ASIC2: variants seen among roughly 807,000 people sequenced by gnomAD.
ASIC2 encodes acid sensing ion channel subunit 2.
ASIC2 carries 25 observed loss-of-function variants against 57.3 expected under a neutral mutation model. The observed-to-expected ratio is 0.44, with a 90% CI of 0.32 to 0.61. The LOEUF (loss-of-function observed/expected upper bound fraction) is 0.61, where lower values mean the gene tolerates loss of function less well. Ranked by LOEUF, ASIC2 falls within the 20% of genes least tolerant of loss-of-function variation. The pLI is 0.06. For missense variants in ASIC2, 641 were observed against 738.1 expected (o/e 0.87, Z 1.52); for synonymous variants, 319 against 307.5 (o/e 1.04, Z -0.39).
At chr17:33,656,586 T>C (rs1300176192) in intron 1 of ASIC2, among the ~76,000 whole-genome samples, 1 of 152,208 alleles carries the variant, frequency 6.6e-6, no homozygotes, top group East Asian at 1.9e-4. Context: ...TTCCATATGC[T>C]GCTCTCTCCA....
chr17:34,084,889 G>C (rs1218608879), intron 1 of ASIC2, among the ~76,000 whole-genome samples: 1 of 152,192 alleles, frequency 6.6e-6, no homozygotes, highest in African/African-American at 2.4e-5. Context: ...CATTGATTTT[G>C]TATCCTGAGA....
intron 3 of ASIC2, among the ~76,000 whole-genome samples, chr17:33,065,835 A>G (rs1236193693): frequency 6.6e-6 from 1 of 152,224 alleles, no homozygotes; most frequent in Non-Finnish European, 1.5e-5. Context: ...TAAAGTTTTT[A>G]TTCATTTATC....
At chr17:34,014,812 G>T (rs376172608) in intron 1 of ASIC2, among the ~76,000 whole-genome samples, 45 of 152,258 alleles carry the variant, frequency 3.0e-4, no homozygotes, top group Middle Eastern at 6.8e-3. Flanking sequence ...TGCTTGGCAT[G>T]TGTTAGGTAC....
At chr17:33,080,633 C>G (rs2092109505) in intron 3 of ASIC2, among the ~76,000 whole-genome samples, 1 of 151,898 alleles carries the variant, frequency 6.6e-6, no homozygotes, top group Admixed American at 6.6e-5. Context: ...TAACTAATAA[C>G]AAAACAGAAC....
chr17:34,074,434 T>C (rs950079167), intron 1 of ASIC2, among the ~76,000 whole-genome samples: 1 of 152,194 alleles, frequency 6.6e-6, no homozygotes, highest in Non-Finnish European at 1.5e-5. Context: ...CCCCACATTA[T>C]TGACCATTCT....
chr17:33,946,391 C>T (rs1428563210), intron 1 of ASIC2, among the ~76,000 whole-genome samples: 1 of 152,034 alleles, frequency 6.6e-6, no homozygotes, highest in East Asian at 1.9e-4. Flanking sequence ...TCTTTGAATG[C>T]TAAAAAAAGG....
chr17:33,799,376 TCC>T (rs1912021369), intron 1 of ASIC2, among the ~76,000 whole-genome samples: 1 of 97,564 alleles, frequency 1.0e-5, no homozygotes, highest in African/African-American at 4.2e-5. Flanking sequence ...CTTTCTTTCT[TCC>T]TTTCTTTCTT....
At chr17:33,937,490 A>G (rs1916093330) in intron 1 of ASIC2, among the ~76,000 whole-genome samples, 1 of 152,084 alleles carries the variant, frequency 6.6e-6, no homozygotes, top group Admixed American at 6.6e-5. Context: ...AGCATATTGG[A>G]GAAAAGAAGA....
At chr17:34,143,191 T>C (rs1293583396) in intron 1 of ASIC2, among the ~76,000 whole-genome samples, 1 of 152,208 alleles carries the variant, frequency 6.6e-6, no homozygotes, top group Non-Finnish European at 1.5e-5. Context: ...CTAAAGGGAA[T>C]CAGAAAGCAT....
intron 1 of ASIC2, among the ~76,000 whole-genome samples, chr17:34,024,661 G>A (rs1282365561): frequency 3.3e-5 from 5 of 152,184 alleles, no homozygotes; most frequent in Admixed American, 1.3e-4. Context: ...AGGCTGGACC[G>A]GCAGTGACCC....
chr17:33,702,062 G>T (rs1028639335), intron 1 of ASIC2, among the ~76,000 whole-genome samples: 1 of 152,192 alleles, frequency 6.6e-6, no homozygotes, highest in East Asian at 1.9e-4. Flanking sequence ...CTGGAAGGTG[G>T]TAACTTCTTC....
At chr17:33,930,901 ATTTGTTTGTTTG>A (rs141993092) in intron 1 of ASIC2, among the ~76,000 whole-genome samples, 3 of 151,842 alleles carry the variant, frequency 2.0e-5, no homozygotes, top group African/African-American at 4.8e-5. Context: ...AGATTTATTT[ATTTGTTTGTTTG>A]TTTGTTTGTT....
At chr17:33,674,803 C>T (rs1370307498) in intron 1 of ASIC2, among the ~76,000 whole-genome samples, 2 of 152,110 alleles carry the variant, frequency 1.3e-5, no homozygotes, top group Non-Finnish European at 2.9e-5. Flanking sequence ...CTCTGCCGGC[C>T]GAATGTAGTG....
chr17:33,787,039 T>C (rs1421621931), intron 1 of ASIC2, among the ~76,000 whole-genome samples: 4 of 152,226 alleles, frequency 2.6e-5, no homozygotes, highest in Admixed American at 1.3e-4. Context: ...GATACTCTTC[T>C]CATTGCATAC....
chr17:33,879,819 A>T (rs1478981521), intron 1 of ASIC2, among the ~76,000 whole-genome samples: 1 of 152,224 alleles, frequency 6.6e-6, no homozygotes, highest in Non-Finnish European at 1.5e-5. Context: ...TCAGCACCAC[A>T]CCACACCTAT....
At chr17:34,099,590 GAA>G (rs923096952) in intron 1 of ASIC2, among the ~76,000 whole-genome samples, 60 of 135,986 alleles carry the variant, frequency 4.4e-4, no homozygotes, top group African/African-American at 1.5e-3. Flanking sequence ...AGGAAGGAAA[GAA>G]AGAGAAAAAA....
chr17:33,817,964 TACC>T (rs1469606537), intron 1 of ASIC2, among the ~76,000 whole-genome samples: 2 of 152,136 alleles, frequency 1.3e-5, no homozygotes, highest in African/African-American at 4.8e-5. Flanking sequence ...GGTTTCGGGG[TACC>T]ACATTTCTTG....
chr17:33,349,912 A>C lies in ASIC2; in HGVS notation c.556-237845T>G, dbSNP rs111581165. On this transcript the variant is annotated intron_variant, in intron 1 of 9. Coordinates refer to the ASIC2 transcript ENST00000359872. ...TAGTCGGCACTCAAAATTTAAGAACAATTTATGAAAAAAAAAGCCTTGATA... is the reference window on the plus strand; with the variant it reads ...TAGTCGGCACTCAAAATTTAAGAACCATTTATGAAAAAAAAAGCCTTGATA... Among the ~76,000 whole-genome samples, 96 of 143,928 alleles carry C rather than the reference A, an allele frequency of 6.7e-4. 1 individual carries two copies. The highest frequency in any genetic ancestry group is 2.2e-3 in the African/African-American group (89 of 40,670). The allele number at this position is 143,928 out of a possible 152,430, so 94.4% of individuals were successfully genotyped here. A position where few individuals can be genotyped will look rare whatever the true frequency, so the allele number is the denominator to read the frequency against.
chr17:34,132,270 AGT>A (rs1378681443), intron 1 of ASIC2, among the ~76,000 whole-genome samples: 1 of 152,072 alleles, frequency 6.6e-6, no homozygotes, highest in African/African-American at 2.4e-5. Context: ...CTTTGTGGTG[AGT>A]GTTACAGCTC....
Sources: allele counts gnomAD v4.1 joint callset (sites outside exome capture counted in the v4.1 genomes callset), GRCh38; gene constraint gnomAD v4.1.1; transcripts MANE v1.5; gene names NCBI Gene and HGNC (gene_info 2026-07-23, HGNC 2026-07-21).